TTC23L: variants seen among roughly 807,000 people sequenced by gnomAD.
TTC23L encodes tetratricopeptide repeat protein 23-like.
TTC23L carries 42 observed loss-of-function variants against 48.1 expected under a neutral mutation model. The ratio of observed to expected loss-of-function variants is 0.87; its 90% CI spans 0.68 to 1.13. The LOEUF is 1.13. Among genes scored for constraint, TTC23L ranks in the 50% most tolerant of loss-of-function variants. TTC23L has a pLI of 0.00. For missense variants in TTC23L, 391 were observed against 421.0 expected, an observed-to-expected ratio of 0.93 and a Z score of 0.62; for synonymous variants, 159 against 157.2, an observed-to-expected ratio of 1.01 and a Z score of -0.09.
At chr5:34,891,796 C>A (rs796559567) in intron 9 of TTC23L, among the ~76,000 whole-genome samples, 1 of 152,172 alleles carries the variant, frequency 6.6e-6, no homozygotes, top group South Asian at 2.1e-4. Context: ...GTTGCTTTGC[C>A]TTCCAGTATT....
At chr5:34,859,503 G>A (rs534227342) in intron 4 of TTC23L, among the ~76,000 whole-genome samples, 1 of 152,258 alleles carries the variant, frequency 6.6e-6, no homozygotes, top group South Asian at 2.1e-4. Context: ...AGCATCAAGA[G>A]GTGGGGCCTT....
chr5:34,875,279 TAGTC>T (rs796980291), intron 8 of TTC23L, among the ~76,000 whole-genome samples: 12 of 152,308 alleles, frequency 7.9e-5, no homozygotes, highest in African/African-American at 2.9e-4. Flanking sequence ...CCCCTTGTAT[TAGTC>T]AGGGTTCTCT....
chr5:34,863,161 A>T lies in TTC23L; in HGVS notation c.536+107A>T. 7.0e-7 allele frequency: 1 copy of T among 1,432,036 alleles called. No homozygotes were observed. Among genetic ancestry groups the T allele is most frequent in the South Asian group, 1.3e-5 (1 of 76,522 alleles). The allele number at this position is 1,432,036 out of a possible 1,614,324, so 88.7% of individuals were successfully genotyped here. ...GGGAGATGGAACCAAGGCCTTGTAG[A>T]TCTGTTCCAACATCAAGGCCCTCCA... On this transcript the variant is annotated intron_variant, in intron 5 of 10. Transcript: ENST00000505624. This position sits in a 1 kb window ranked among gnomAD's most constrained non-coding sequence, Gnocchi z 4.1.
the TTC23L span, chr5:34,919,690 C>T: frequency 1.7e-5 from 6 of 347,610 alleles, no homozygotes; most frequent in South Asian, 2.1e-4. Flanking sequence ...CGATTGTTTC[C>T]AGCTCTTGTT....
chr5:34,918,557 C>A, the TTC23L span: 1 of 801,352 alleles, frequency 1.2e-6, no homozygotes, highest in South Asian at 2.4e-5. Flanking sequence ...ATATATTCTT[C>A]ATTTGTTCAG....
intron 4 of TTC23L, among the ~76,000 whole-genome samples, chr5:34,851,596 A>G (rs1759678550): frequency 6.6e-6 from 1 of 152,120 alleles, no homozygotes; most frequent in Non-Finnish European, 1.5e-5. Flanking sequence ...GGCTAGGGAG[A>G]GGAGAATGTC....
chr5:34,842,096 A>T lies in TTC23L; in HGVS notation c.68+1357A>T, dbSNP rs1288122624. Reference sequence around the variant, plus strand: ...GTCATCAAATAGAAATATAATGCAAACCACATATGTAATTTAAAATTTTCT... The same window carrying T: ...GTCATCAAATAGAAATATAATGCAATCCACATATGTAATTTAAAATTTTCT... On this transcript the variant is annotated intron_variant, in intron 2 of 10. Transcript: ENST00000505624. Among the ~76,000 whole-genome samples the T allele has an allele frequency of 2.6e-5, 4 of 152,300 alleles. No homozygotes were observed. The East Asian group carries it at 7.7e-4, about 29-fold the overall frequency.
chr5:34,890,816 G>A (rs1037577993), intron 9 of TTC23L, among the ~76,000 whole-genome samples: 4 of 151,946 alleles, frequency 2.6e-5, no homozygotes, highest in East Asian at 1.9e-4. Context: ...TGTGTTGCCC[G>A]GGCTGGTCCA....
At position 34,852,538 on chromosome 5, in the gene TTC23L, G is replaced by A. The variant is rs115871155; in HGVS notation, c.379+2230G>A. The stretch of plus-strand genomic sequence containing the variant: ...AGAAGAGGCAAAGACCAGTTAGGCC[G>A]TTATCCTGCCCAGATGAGAGTCGAT... On this transcript the variant is annotated intron_variant, in intron 4 of 10. Coordinates refer to ENST00000505624, the Ensembl canonical transcript of TTC23L. 3.8e-3 allele frequency among the ~76,000 whole-genome samples: 575 copies of A among 152,284 alleles called. 3 individuals are homozygous for A. Among genetic ancestry groups the A allele is most frequent in the African/African-American group, 0.012 (491 of 41,550 alleles).
At chr5:34,919,868 AT>A in the TTC23L span, 1 of 1,190,612 alleles carries the variant, frequency 8.4e-7, no homozygotes, top group Non-Finnish European at 1.2e-6. Context: ...AGGATAAGCT[AT>A]TTGTGATTAA....
chr5:34,859,146 T>G (rs111808526), intron 4 of TTC23L, among the ~76,000 whole-genome samples: 13,602 of 152,204 alleles, frequency 0.089, 960 homozygotes, highest in South Asian at 0.14. Flanking sequence ...TTTTAGTAGC[T>G]CCTGCAGTTT....
chr5:34,914,907 T>TCGGCCCCGAGGGATGCTCCTGGGGC, the TTC23L span: 1 of 1,613,898 alleles, frequency 6.2e-7, no homozygotes, highest in Non-Finnish European at 8.5e-7. Flanking sequence ...CACTGCGCAT[T>TCGGCCCCGAGGGATGCTCCTGGGGC]CGGCCCCGAG....
the TTC23L span, among the ~76,000 whole-genome samples, chr5:34,917,142 A>G: frequency 3.0e-4 from 45 of 151,372 alleles, no homozygotes; most frequent in Admixed American, 2.4e-3. Flanking sequence ...TCCAAGGGAG[A>G]AAAAAAAACC....
rs762405377 is a variant in TTC23L at position 34,868,904 on chromosome 5, G to C, written c.841-1G>C. 2 of 1,602,478 alleles carry C rather than the reference G, an allele frequency of 1.2e-6. No individual in the cohort carries two copies. The highest frequency in any genetic ancestry group is 2.3e-5 in the South Asian group (2 of 88,772). On this transcript the variant is annotated splice_acceptor_variant, in intron 7 of 10. Transcript: ENST00000505624. LOFTEE classifies it high-confidence loss of function. Reference sequence around the variant, plus strand: ...CCTTGTCATGATTTTCTTTATTCCAGGCTCATTCTGTCTGTGTTTCTTTGT... The same window carrying C: ...CCTTGTCATGATTTTCTTTATTCCACGCTCATTCTGTCTGTGTTTCTTTGT...
intron 4 of TTC23L, among the ~76,000 whole-genome samples, chr5:34,858,027 A>T (rs1291535650): frequency 1.3e-5 from 2 of 152,226 alleles, no homozygotes; most frequent in Non-Finnish European, 2.9e-5. Context: ...TCGATGATAG[A>T]ATCCCAACCC....
intron 9 of TTC23L, among the ~76,000 whole-genome samples, chr5:34,894,569 A>T (rs1244669113): frequency 6.6e-6 from 1 of 152,194 alleles, no homozygotes; most frequent in Non-Finnish European, 1.5e-5. Context: ...TACTTTTTAC[A>T]ATAAATATTG....
At chr5:34,893,515 C>CAG (rs1315845604) in intron 9 of TTC23L, among the ~76,000 whole-genome samples, 1 of 152,118 alleles carries the variant, frequency 6.6e-6, no homozygotes, top group East Asian at 1.9e-4. Context: ...ACACTTATTT[C>CAG]AGAGAGAATA....
the TTC23L span, chr5:34,911,802 A>G: frequency 6.2e-7 from 1 of 1,614,130 alleles, no homozygotes; most frequent in Non-Finnish European, 8.5e-7. Context: ...TTCGAAGTGC[A>G]GTTAAAGTCC....
intron 9 of TTC23L, among the ~76,000 whole-genome samples, chr5:34,881,706 C>A (rs1194195209): frequency 6.6e-6 from 1 of 150,870 alleles, no homozygotes; most frequent in Non-Finnish European, 1.5e-5. Flanking sequence ...AGACAAAAAC[C>A]TTATAATGAT....
Sources: allele counts gnomAD v4.1 joint callset (sites outside exome capture counted in the v4.1 genomes callset), GRCh38; gene constraint gnomAD v4.1.1; non-coding constraint Gnocchi (gnomAD v3.1); transcripts MANE v1.5; gene names NCBI Gene and HGNC (gene_info 2026-07-23, HGNC 2026-07-21).